Variants in ADGRA2 observed in about 807,000 individuals in gnomAD.
ADGRA2 encodes the protein G-protein coupled receptor 124.
A neutral mutation model predicts 98.7 loss-of-function variants in ADGRA2; 61 were observed. The ratio of observed to expected loss-of-function variants is 0.62; its 90% CI spans 0.50 to 0.76. The LOEUF (loss-of-function observed/expected upper bound fraction) is 0.76. Ranked by LOEUF, ADGRA2 falls within the 30% of genes least tolerant of loss-of-function variation. ADGRA2 has a pLI of 0.00. For missense variants in ADGRA2, 1,712 were observed against 1,860.0 expected, an observed-to-expected ratio of 0.92 and a Z score of 1.46; for synonymous variants, 858 against 831.5, an observed-to-expected ratio of 1.03 and a Z score of -0.55.
chr8:37,827,862 G>A (rs1224602750), intron 2 of ADGRA2, among the ~76,000 whole-genome samples: 6 of 152,200 alleles, frequency 3.9e-5, no homozygotes, highest in South Asian at 2.1e-4. Context: ...GGCCAAGCGC[G>A]GTGGCTCACA....
In ADGRA2 at chr8:37,831,426, G is replaced by A. The variant is rs147453371; in HGVS notation, c.936G>A (p.Glu312=). ...CAGCTCCACCTGCCACCCGCAGTGA[G>A]CTGACGCTGTCTCACATCGGCGTGT... The part of the protein sequence containing the change: ...LIHDCTFITS[E]LTLSHIGVWA... The change falls in exon 8 of 19, where the codon GAG becomes GAA. Residue 312 remains glutamate, a synonymous_variant. Transcript: ENST00000412232. 2.3e-3 allele frequency: 3,636 copies of A among 1,610,546 alleles called. 7 individuals carry two copies. The highest frequency in any genetic ancestry group is 7.5e-3 in the Middle Eastern group (45 of 6,010).
chr8:37,819,782 T>C (rs1210199587), intron 2 of ADGRA2, among the ~76,000 whole-genome samples: 1 of 152,204 alleles, frequency 6.6e-6, no homozygotes, highest in African/African-American at 2.4e-5. Flanking sequence ...GTGATTCTCC[T>C]GCCTCAGACT....
Position 37,833,002 on chromosome 8 carries a change from C to T in ADGRA2, c.1098-8C>T, listed in dbSNP as rs372353409. ...GGTTCATCGGCAACTTCCTGCCTCT[C>T]CCCCCAGGTGGCCCCGAACTCTGGC... On this transcript the variant is annotated splice_region_variant and splice_polypyrimidine_tract_variant and intron_variant, in intron 8 of 18. Coordinates refer to ENST00000412232, the MANE Select transcript of ADGRA2 (RefSeq NM_032777.10). The T allele has an allele frequency of 2.6e-5, 41 of 1,606,432 alleles. No individual in the cohort carries two copies. The Middle Eastern group carries it at 6.0e-4, about 23-fold the overall frequency.
rs1035712701 is a variant in ADGRA2, at chr8:37,797,973, T to C, written c.266+439T>C. ...ACTACGGTCGCGTCCCGGACTGGGC[T>C]GGAGGAGTCTCCGGATTTACCTGGC... On this transcript the variant is annotated intron_variant, in intron 1 of 18. Coordinates refer to ENST00000412232, the MANE Select transcript of ADGRA2 (RefSeq NM_032777.10). The surrounding 1 kb of genome is among the most constrained non-coding windows in gnomAD (Gnocchi z 5.3). Among the ~76,000 whole-genome samples the C allele has an allele frequency of 3.3e-5, 5 of 152,230 alleles. No homozygotes were observed. Among genetic ancestry groups the C allele is most frequent in the African/African-American group, 1.2e-4 (5 of 41,476 alleles).
rs780162380 is a variant in ADGRA2, at chr8:37,835,349, G to A, written c.1784G>A (p.Arg595His). ...CCAGCTGACCAGCAGCTCCGCTTCC[G>A]CTGCACCACCGGGAGGCCCAATGTT... ...EPPADQQLRFRCTTGRPNVSL... is the reference protein window; with the variant it reads ...EPPADQQLRFHCTTGRPNVSL... The change falls in exon 12 of 19, where the codon CGC becomes CAC. Residue 595 changes from arginine (R) to histidine (H), a missense_variant. Physicochemically the swap from Arg to His is conservative, Grantham distance 29. Coordinates refer to ENST00000412232, the MANE Select transcript of ADGRA2 (RefSeq NM_032777.10). 9.9e-6 allele frequency: 16 copies of A among 1,612,814 alleles called. No individual in the cohort carries two copies. The highest frequency in any genetic ancestry group is 4.4e-5 in the South Asian group (4 of 91,030).
Position 37,814,833 on chromosome 8 carries a change from T to A in ADGRA2, c.267-63T>A. ...AGATGCAAGCTGGCCCCACCAGTGG[T>A]GAAAGCGGATGCCCAGCACATAACA... On this transcript the variant is annotated intron_variant, in intron 1 of 18. Transcript: ENST00000412232. The surrounding 1 kb of genome is among the most constrained non-coding windows in gnomAD (Gnocchi z 4.3). The A allele has an allele frequency of 8.0e-7, 1 of 1,252,120 alleles. No homozygotes were observed. The highest frequency in any genetic ancestry group is 1.7e-5 in the Admixed American group (1 of 59,126). 77.6% of individuals were successfully genotyped at this position (1,252,120 alleles called of 1,614,324 possible).
chr8:37,805,330 C>T (rs758112742), intron 1 of ADGRA2, among the ~76,000 whole-genome samples: 5 of 152,188 alleles, frequency 3.3e-5, no homozygotes, highest in Non-Finnish European at 5.9e-5. Flanking sequence ...CTTACAACGC[C>T]GGACAGGATC....
At position 37,814,751 on chromosome 8, in the gene ADGRA2, C is replaced by T. The variant is rs376956139; in HGVS notation, c.267-145C>T. 124 of 646,452 alleles carry T rather than the reference C, an allele frequency of 1.9e-4. No individual in the cohort carries two copies. The highest frequency in any genetic ancestry group is 1.7e-3 in the African/African-American group (93 of 55,986). 40.0% of individuals were successfully genotyped at this position (646,452 alleles called of 1,614,324 possible). On this transcript the variant is annotated intron_variant, in intron 1 of 18. Coordinates refer to ENST00000412232, the MANE Select transcript of ADGRA2 (RefSeq NM_032777.10). This position sits in a 1 kb window ranked among gnomAD's most constrained non-coding sequence, Gnocchi z 4.3. ...TTGGCCAGCTTCTCCCTGTAATCTCCGGAAGTAGAGGGTGGGGGCTGCTGC... is the reference window on the plus strand; with the variant it reads ...TTGGCCAGCTTCTCCCTGTAATCTCTGGAAGTAGAGGGTGGGGGCTGCTGC...
At position 37,841,920 on chromosome 8, in the gene ADGRA2, G is replaced by A; in HGVS notation, c.3582G>A (p.Glu1194=). 1 of 1,524,492 alleles carries A rather than the reference G, an allele frequency of 6.6e-7. No individual in the cohort carries two copies. The highest frequency in any genetic ancestry group is 2.5e-5 in the East Asian group (1 of 39,670). The allele number at this position is 1,524,492 out of a possible 1,614,324, so 94.4% of individuals were successfully genotyped here. Residue 1194 remains glutamate, a synonymous_variant, in exon 19 of 19, where the codon GAG becomes GAA. Transcript: ENST00000412232. This position sits in a 1 kb window ranked among gnomAD's most constrained non-coding sequence, Gnocchi z 5.0. ...GGGCCAAGGGACACCGCGCGGGGGAGGCCTGCGGCAAGAACCGGCTCAAGG... is the reference window on the plus strand; with the variant it reads ...GGGCCAAGGGACACCGCGCGGGGGAAGCCTGCGGCAAGAACCGGCTCAAGG... ...KSRAKGHRAG[E]ACGKNRLKAL...
rs1036951498 is a variant in ADGRA2, at chr8:37,841,785, G to A, written c.3447G>A (p.Ala1149=). 6.5e-7 allele frequency: 1 copy of A among 1,533,596 alleles called. No homozygotes were observed. Among genetic ancestry groups the A allele is most frequent in the South Asian group, 1.2e-5 (1 of 83,556 alleles). 95.0% of individuals were successfully genotyped at this position (1,533,596 alleles called of 1,614,324 possible). ...TGGCCCAGAGTCAGGTGTGCGAGGC[G>A]GGGGCGGCGGCCGGCGGGGAAGGAG... ...LQLAQSQVCE[A]GAAAGGEGEP... is the part of the protein sequence containing the mutation. The change falls in exon 19 of 19, where the codon GCG becomes GCA. Residue 1149 remains alanine (A), a synonymous_variant. Transcript: ENST00000412232. The surrounding 1 kb of genome is among the most constrained non-coding windows in gnomAD (Gnocchi z 5.0).
intron 2 of ADGRA2, among the ~76,000 whole-genome samples, chr8:37,816,593 A>AAAACACACAC (rs1370952985): frequency 3.0e-5 from 4 of 131,294 alleles, no homozygotes; most frequent in African/African-American, 1.2e-4. Context: ...CTCCGTCTCA[A>AAAACACACAC]ACACACACAC....
rs1300014761 is a variant in ADGRA2, at chr8:37,814,545, G to A, written c.267-351G>A. 1.3e-5 allele frequency among the ~76,000 whole-genome samples: 2 copies of A among 152,262 alleles called. No homozygotes were observed. Among genetic ancestry groups the A allele is most frequent in the African/African-American group, 4.8e-5 (2 of 41,478 alleles). ...GAAGGGCTTGAGCAAGGATGGAACT[G>A]TGAAGGGCATCATGAGGGGGCACTG... is the stretch of plus-strand genomic sequence containing the variant. On this transcript the variant is annotated intron_variant, in intron 1 of 18. Coordinates refer to ENST00000412232, the MANE Select transcript of ADGRA2 (RefSeq NM_032777.10). The surrounding 1 kb of genome is among the most constrained non-coding windows in gnomAD (Gnocchi z 4.3).
intron 7 of ADGRA2, 108 bp downstream of exon 7, chr8:37,831,031 T>C: frequency 1.3e-6 from 1 of 754,374 alleles, no homozygotes; most frequent in Non-Finnish European, 2.2e-6. Context: ...CCCGGGAGAC[T>C]GTGCTTGTAT....
rs1805410789 is a variant in ADGRA2 at position 37,830,101 on chromosome 8, C to T, written c.718+87C>T. On this transcript the variant is annotated intron_variant, in intron 6 of 18. Transcript: ENST00000412232. This position sits in a 1 kb window ranked among gnomAD's most constrained non-coding sequence, Gnocchi z 4.8. ...CCAGACACGAGCCTCCCCTCAGACC[C>T]ACAGGTTTTTACCTTTGTATTGCAA... 1.1e-6 allele frequency: 1 copy of T among 895,022 alleles called. No individual in the cohort carries two copies. Among genetic ancestry groups the T allele is most frequent in the South Asian group, 1.9e-5 (1 of 53,832 alleles). The allele number at this position is 895,022 out of a possible 1,614,324, so 55.4% of individuals were successfully genotyped here. A position where few individuals can be genotyped will look rare whatever the true frequency, so the allele number is the denominator to read the frequency against.
At chr8:37,805,195 T>C (rs1048337268) in intron 1 of ADGRA2, among the ~76,000 whole-genome samples, 2 of 152,184 alleles carry the variant, frequency 1.3e-5, no homozygotes. Context: ...AAACATCCCC[T>C]CCATCCTGGA....
At chr8:37,809,953 T>C (rs7013416) in intron 1 of ADGRA2, among the ~76,000 whole-genome samples, 27,020 of 152,002 alleles carry the variant, frequency 0.18, 4,813 homozygotes, top group African/African-American at 0.45. Context: ...TCCTCTGGGG[T>C]AGGTCCCCGA....
chr8:37,834,089 G>C lies in ADGRA2; in HGVS notation c.1569G>C (p.Gly523=). 11 of 1,612,594 alleles carry C rather than the reference G, an allele frequency of 6.8e-6. No individual in the cohort carries two copies. The highest frequency in any genetic ancestry group is 8.5e-6 in the Non-Finnish European group (10 of 1,179,868). The change falls in exon 11 of 19, where the codon GGG becomes GGC. Residue 523 remains glycine (G), a synonymous_variant. Coordinates refer to ENST00000412232, the MANE Select transcript of ADGRA2 (RefSeq NM_032777.10). The surrounding 1 kb of genome is among the most constrained non-coding windows in gnomAD (Gnocchi z 4.2). ...SRIVGALERI[G]GAALSPHAQH... ...TCGTGGGTGCCCTGGAGCGCATTGG[G>C]GGGGCCGCCCTCAGCCCCCATGCCC...
chr8:37,806,541 T>C (rs1804673279), intron 1 of ADGRA2, among the ~76,000 whole-genome samples: 2 of 145,400 alleles, frequency 1.4e-5, no homozygotes, highest in African/African-American at 2.6e-5. Flanking sequence ...TTTTTTTTTT[T>C]TGAGACAGAG....
chr8:37,836,097 A>ACACCCCCC (rs1245868623), intron 13 of ADGRA2, among the ~76,000 whole-genome samples: 1 of 108,636 alleles, frequency 9.2e-6, no homozygotes, highest in African/African-American at 3.7e-5. Flanking sequence ...ACACACACAC[A>ACACCCCCC]CCCCACAGGC....
Sources: gnomAD v4.1 joint callset for allele counts (sites outside exome capture counted in the v4.1 genomes callset) on GRCh38, gnomAD v4.1.1 for gene constraint, Gnocchi (gnomAD v3.1) non-coding constraint, MANE v1.5 for transcripts, NCBI Gene and HGNC (gene_info 2026-07-23, HGNC 2026-07-21) for gene names.